FMN1: variants seen among roughly 807,000 people sequenced by gnomAD.
FMN1 encodes the protein formin 1.
In FMN1, 110 loss-of-function variants were observed where a neutral mutation model predicts 132.4. The observed-to-expected ratio is 0.83, with a 90% CI of 0.71 to 0.97. The LOEUF (loss-of-function observed/expected upper bound fraction) is 0.97. Ranked by LOEUF, FMN1 falls within the 50% of genes least tolerant of loss-of-function variation. The pLI is 0.00. For missense variants in FMN1, 1,792 were observed against 1,705.3 expected (o/e 1.05, Z -0.90); for synonymous variants, 722 against 651.7 (o/e 1.11, Z -1.64).
At chr15:33,140,843 A>T (rs1208712503) in intron 4 of FMN1, among the ~76,000 whole-genome samples, 1 of 152,208 alleles carries the variant, frequency 6.6e-6, no homozygotes, top group Non-Finnish European at 1.5e-5. Flanking sequence ...TAAATTTGAA[A>T]AAATATTTTC....
intron 7 of FMN1, among the ~76,000 whole-genome samples, chr15:32,972,240 C>T (rs760396422): frequency 1.1e-4 from 16 of 152,178 alleles, no homozygotes; most frequent in East Asian, 5.8e-4. Context: ...GCTCTGGGTA[C>T]GCTTCCCAGC....
chr15:32,805,682 T>C (rs1412184076), intron 17 of FMN1, among the ~76,000 whole-genome samples: 2 of 152,206 alleles, frequency 1.3e-5, no homozygotes, highest in Non-Finnish European at 2.9e-5. Flanking sequence ...AGGGAAATCT[T>C]GGGTAGATCA....
At chr15:33,088,637 C>T (rs1457890511) in intron 5 of FMN1, among the ~76,000 whole-genome samples, 162 bp downstream of exon 5, 2 of 152,188 alleles carry the variant, frequency 1.3e-5, no homozygotes, top group Admixed American at 6.5e-5. Flanking sequence ...AATTTCAGAT[C>T]ACCAAGATGC....
intron 4 of FMN1, among the ~76,000 whole-genome samples, chr15:33,110,121 A>G (rs2140119914): frequency 6.6e-6 from 1 of 152,236 alleles, no homozygotes; most frequent in Middle Eastern, 3.4e-3. Context: ...TTTTGACAAT[A>G]TAACGCTTCT....
chr15:33,024,375 T>C (rs2035571693), intron 6 of FMN1, among the ~76,000 whole-genome samples: 1 of 151,806 alleles, frequency 6.6e-6, no homozygotes, highest in African/African-American at 2.4e-5. Flanking sequence ...GCGTCCTGAG[T>C]AGCCAGGACT....
chr15:32,861,318 A>G (rs1034231007), intron 16 of FMN1, among the ~76,000 whole-genome samples: 34 of 152,174 alleles, frequency 2.2e-4, no homozygotes, highest in African/African-American at 8.2e-4. Flanking sequence ...CTTTTGCCTG[A>G]ATTCACAGGG....
intron 5 of FMN1, among the ~76,000 whole-genome samples, chr15:33,082,731 T>C (rs933200007): frequency 1.3e-5 from 2 of 152,164 alleles, no homozygotes; most frequent in African/African-American, 2.4e-5. Flanking sequence ...CTTCTTAATA[T>C]TCATGTCCTA....
At chr15:32,943,623 G>T (rs2061443828) in intron 9 of FMN1, among the ~76,000 whole-genome samples, 1 of 152,184 alleles carries the variant, frequency 6.6e-6, no homozygotes, top group Admixed American at 6.5e-5. Context: ...TGTTAGAGAT[G>T]CAGAAATTGT....
chr15:33,162,519 T>C (rs1042016879), intron 3 of FMN1, among the ~76,000 whole-genome samples: 2 of 151,768 alleles, frequency 1.3e-5, no homozygotes, highest in Admixed American at 6.6e-5. Flanking sequence ...CATTAAAATA[T>C]GGGCCTTGGA....
At chr15:33,107,239 C>T (rs1188085834) in intron 4 of FMN1, among the ~76,000 whole-genome samples, 1 of 151,980 alleles carries the variant, frequency 6.6e-6, no homozygotes, top group African/African-American at 2.4e-5. Context: ...CACATCATTA[C>T]CACCTCAGTC....
intron 9 of FMN1, among the ~76,000 whole-genome samples, chr15:32,937,323 G>A (rs992887018): frequency 3.9e-5 from 6 of 152,300 alleles, no homozygotes; most frequent in Admixed American, 3.9e-4. Flanking sequence ...AAGCCAGGAG[G>A]TAGTTTTCTC....
At chr15:32,787,847 T>TAA (rs533968033) in intron 19 of FMN1, among the ~76,000 whole-genome samples, 7 of 148,010 alleles carry the variant, frequency 4.7e-5, no homozygotes, top group African/African-American at 1.7e-4. Flanking sequence ...CCTTGTCTCT[T>TAA]AAAAAAAAAA....
intron 11 of FMN1, among the ~76,000 whole-genome samples, chr15:32,909,964 A>G (rs575097704): frequency 4.0e-4 from 61 of 152,322 alleles, no homozygotes; most frequent in Non-Finnish European, 7.6e-4. Flanking sequence ...AACTAGCCCA[A>G]GGTCACTTAG....
In FMN1 at chr15:32,957,300, T is replaced by TTTG. The variant is rs2029898787; in HGVS notation, c.3138+6806_3138+6807insCAA. On this transcript the variant is annotated intron_variant, in intron 9 of 20. Transcript: ENST00000616417. The stretch of plus-strand genomic sequence containing the variant: ...TTGGAAAGTTTATCAGAGCAGTTCT[T>TTTG]TTTTTTTTTTTTTTTTTTTTTTTTT... Among the ~76,000 whole-genome samples, 8 of 87,538 alleles carry TTTG rather than the reference T, an allele frequency of 9.1e-5. 1 individual carries two copies. The South Asian group carries it at 3.6e-3, about 39-fold the overall frequency. The allele number at this position is 87,538 out of a possible 152,430, so 57.4% of individuals were successfully genotyped here.
intron 6 of FMN1, among the ~76,000 whole-genome samples, chr15:33,048,926 C>T (rs2036842529): frequency 6.6e-6 from 1 of 152,056 alleles, no homozygotes; most frequent in African/African-American, 2.4e-5. Flanking sequence ...AGGACACAGC[C>T]AAACTGTATC....
Position 33,154,801 on chromosome 15 carries a change from T to G in FMN1, c.114A>C (p.Val38=), listed in dbSNP as rs1964606028. Reference sequence around the variant, plus strand: ...AACCTTTATTGGATCTGTCTAGAGTTACAGTGCCCTTGTATGAAAATCCTC... The same window carrying G: ...AACCTTTATTGGATCTGTCTAGAGTGACAGTGCCCTTGTATGAAAATCCTC... ...EVRGFSYKGT[V]TLDRSNKGFH... The change falls in exon 4 of 21, where the codon GTA becomes GTC. Residue 38 remains valine, a synonymous_variant. Coordinates refer to ENST00000616417, the MANE Select transcript of FMN1 (RefSeq NM_001277313.2). 1.3e-6 allele frequency: 2 copies of G among 1,536,178 alleles called. No individual in the cohort carries two copies. The highest frequency in any genetic ancestry group is 3.9e-5 in the Admixed American group (2 of 51,006).
intron 7 of FMN1, among the ~76,000 whole-genome samples, chr15:32,970,235 A>C (rs1308824999): frequency 6.6e-6 from 1 of 152,226 alleles, no homozygotes. Context: ...GCACAGAGCT[A>C]GTGTACTCGC....
At chr15:33,181,669 C>T (rs1183211340) in intron 2 of FMN1, among the ~76,000 whole-genome samples, 1 of 150,716 alleles carries the variant, frequency 6.6e-6, no homozygotes, top group African/African-American at 2.4e-5. Context: ...TGCGGAGAGA[C>T]AAGATCTGAT....
chr15:33,080,527 C>CG (rs1272313228), intron 5 of FMN1, among the ~76,000 whole-genome samples: 1 of 152,134 alleles, frequency 6.6e-6, no homozygotes, highest in Admixed American at 6.5e-5. Flanking sequence ...CCAAGGCGGA[C>CG]GGATCACCTG....
Sources: gnomAD v4.1 joint callset for allele counts (sites outside exome capture counted in the v4.1 genomes callset) on GRCh38, gnomAD v4.1.1 for gene constraint, MANE v1.5 for transcripts, NCBI Gene and HGNC (gene_info 2026-07-23, HGNC 2026-07-21) for gene names.